The following SASH1 variants were observed in gnomAD, a reference collection of about 807,000 sequenced individuals.
SASH1 encodes the protein SAM and SH3 domain-containing protein 1.
A neutral mutation model predicts 125.2 loss-of-function variants in SASH1; 44 were observed. The observed-to-expected ratio is 0.35, with a 90% CI of 0.28 to 0.45. The LOEUF (loss-of-function observed/expected upper bound fraction) is 0.45. Among genes scored for constraint, SASH1 ranks in the 20% least tolerant of loss-of-function variants. The probability of loss-of-function intolerance (pLI) is 1.00; values close to 1 mark genes in which losing one functional copy is unlikely to be tolerated. For missense variants in SASH1, 1,426 were observed against 1,614.5 expected (o/e 0.88, Z 2.00); for synonymous variants, 639 against 649.1 (o/e 0.98, Z 0.24).
the SASH1 span, among the ~76,000 whole-genome samples, chr6:148,206,152 A>G: frequency 1.3e-5 from 2 of 152,080 alleles, no homozygotes; most frequent in African/African-American, 4.8e-5. Flanking sequence ...AAATGTATTA[A>G]TACATTTTCA....
At chr6:148,478,509 T>A (rs1242385367) in intron 7 of SASH1, among the ~76,000 whole-genome samples, 1 of 152,086 alleles carries the variant, frequency 6.6e-6, no homozygotes, top group Non-Finnish European at 1.5e-5. Context: ...GAGAGTAGAA[T>A]GATGGTTACC....
At chr6:148,308,595 C>T (rs1780209223) in intron 1 of SASH1, among the ~76,000 whole-genome samples, 1 of 151,222 alleles carries the variant, frequency 6.6e-6, no homozygotes, top group Non-Finnish European at 1.5e-5. Context: ...AGGGTTTCAC[C>T]ACGTTGGTGA....
At chr6:148,250,499 A>G in the SASH1 span, among the ~76,000 whole-genome samples, 3 of 151,958 alleles carry the variant, frequency 2.0e-5, no homozygotes, top group Non-Finnish European at 4.4e-5. Context: ...TGATGAGTGA[A>G]GAAGTATGTG....
At chr6:148,463,632 G>A (rs967741324) in intron 4 of SASH1, among the ~76,000 whole-genome samples, 3 of 152,126 alleles carry the variant, frequency 2.0e-5, no homozygotes, top group African/African-American at 7.2e-5. Context: ...TCTTCGTAGT[G>A]TTCAGTCAGA....
Position 148,546,069 on chromosome 6 carries a change from G to A in SASH1, c.3403G>A (p.Asp1135Asn), listed in dbSNP as rs372133099. 2 of 1,614,150 alleles carry A rather than the reference G, an allele frequency of 1.2e-6. No homozygotes were observed. The highest frequency in any genetic ancestry group is 1.3e-5 in the African/African-American group (1 of 74,950). ...ALVQRYAEDL[D>N]QPERDVAANM... is the part of the protein sequence containing the mutation. The stretch of plus-strand genomic sequence containing the variant: ...GGTGCAGAGATACGCAGAGGACTTG[G>A]ATCAGCCCGAGCGGGACGTCGCCGC... The change falls in exon 19 of 20, where the codon GAT becomes AAT. Residue 1135 changes from aspartate (D) to asparagine (N), a missense_variant. This residue lies in a region of SASH1 where 634 missense variants were observed against 694.4 expected (regional missense o/e 0.91). Transcript: ENST00000367467.
At chr6:148,326,343 T>TGC (rs1364612380) in intron 1 of SASH1, among the ~76,000 whole-genome samples, 1 of 88,546 alleles carries the variant, frequency 1.1e-5, no homozygotes, top group East Asian at 4.5e-4. Flanking sequence ...TATATATATA[T>TGC]ATATATATAT....
At chr6:148,396,485 A>G (rs2114851507) in intron 2 of SASH1, among the ~76,000 whole-genome samples, 1 of 150,352 alleles carries the variant, frequency 6.7e-6, no homozygotes, top group African/African-American at 2.5e-5. Context: ...TCAGAAAAAA[A>G]AAAAAAAAAA....
At chr6:148,512,737 T>TA (rs1780217199) in intron 8 of SASH1, 1 of 985,174 alleles carries the variant, frequency 1.0e-6, no homozygotes, top group Admixed American at 6.1e-5. Context: ...AACCAGTACT[T>TA]AGCTTTAATT....
At chr6:148,514,139 G>A (rs1179290670) in intron 8 of SASH1, 185 bp from the exon 9 acceptor site, 22 of 1,366,738 alleles carry the variant, frequency 1.6e-5, no homozygotes, top group Middle Eastern at 5.4e-4. Flanking sequence ...CTAATTCTAC[G>A]CCGATTTAGA....
At position 148,371,034 on chromosome 6, in the gene SASH1, C is replaced by T. The variant is rs891157906; in HGVS notation, c.157-19100C>T. Reference sequence around the variant, plus strand: ...CTTGTGCTTACTGTCATTCTCTTGGCGATCTCCTTGAATGTTGCTGTGAGA... The same window carrying T: ...CTTGTGCTTACTGTCATTCTCTTGGTGATCTCCTTGAATGTTGCTGTGAGA... On this transcript the variant is annotated intron_variant, in intron 1 of 19. Coordinates refer to ENST00000367467, the MANE Select transcript of SASH1 (RefSeq NM_015278.5). Among the ~76,000 whole-genome samples, 7 of 152,232 alleles carry T rather than the reference C, an allele frequency of 4.6e-5. No homozygotes were observed. In the East Asian group the frequency reaches 7.7e-4, roughly 17 times the overall value.
chr6:148,531,768 C>T, intron 13 of SASH1, 107 bp downstream of exon 13: 1 of 886,272 alleles, frequency 1.1e-6, no homozygotes, highest in Non-Finnish European at 1.5e-6. Flanking sequence ...AAGTCCTGCC[C>T]TTCAGGTGCT....
intron 1 of SASH1, among the ~76,000 whole-genome samples, chr6:148,369,227 C>A (rs1168196388): frequency 6.6e-6 from 1 of 152,172 alleles, no homozygotes; most frequent in South Asian, 2.1e-4. Flanking sequence ...AGTGGCACAG[C>A]CTGCTATGAG....
At chr6:148,290,999 GT>G (rs11339749) in intron 1 of SASH1, among the ~76,000 whole-genome samples, 74,564 of 144,008 alleles carry the variant, frequency 0.52, 19,033 homozygotes, top group East Asian at 0.66. Context: ...ACTTTATCTT[GT>G]TTTTTTTTTT....
chr6:148,400,645 G>A (rs907911622), intron 2 of SASH1, among the ~76,000 whole-genome samples: 5 of 152,174 alleles, frequency 3.3e-5, no homozygotes, highest in Non-Finnish European at 7.4e-5. Context: ...CAGCCACTGG[G>A]AAGCCTGAAG....
In SASH1 at chr6:148,460,335, A is replaced by G. The variant is rs540114507; in HGVS notation, c.387-8210A>G. On this transcript the variant is annotated intron_variant, in intron 4 of 19. Coordinates refer to ENST00000367467, the MANE Select transcript of SASH1 (RefSeq NM_015278.5). ...ATATACAAAGAGGGTGGGGTAGAAAAATTAAACATTCTACAACTCACAGTT... is the reference window on the plus strand; with the variant it reads ...ATATACAAAGAGGGTGGGGTAGAAAGATTAAACATTCTACAACTCACAGTT... Among the ~76,000 whole-genome samples the G allele has an allele frequency of 1.4e-4, 21 of 152,262 alleles. No individual in the cohort carries two copies. The South Asian group carries it at 3.5e-3, about 26-fold the overall frequency.
At chr6:148,283,474 A>G (rs550975065) in intron 1 of SASH1, 1 of 152,310 alleles carries the variant, frequency 6.6e-6, no homozygotes, top group Admixed American at 6.5e-5. Flanking sequence ...GGTCATAGAA[A>G]GAACAAGAGT....
At chr6:148,483,008 G>A (rs192411220) in intron 7 of SASH1, among the ~76,000 whole-genome samples, 1 of 152,192 alleles carries the variant, frequency 6.6e-6, no homozygotes, top group Non-Finnish European at 1.5e-5. Flanking sequence ...CTTAATTCAG[G>A]TGTCATACAT....
At chr6:148,376,869 A>C (rs974983273) in intron 1 of SASH1, among the ~76,000 whole-genome samples, 3 of 151,756 alleles carry the variant, frequency 2.0e-5, no homozygotes, top group African/African-American at 7.3e-5. Context: ...TCCTGTTTTT[A>C]AAAACAAAAG....
chr6:148,375,821 T>C (rs1031710590), intron 1 of SASH1, among the ~76,000 whole-genome samples: 29 of 152,190 alleles, frequency 1.9e-4, no homozygotes, highest in African/African-American at 6.8e-4. Flanking sequence ...GAGTGTGGTA[T>C]AGGATGAACG....
Sources: allele counts gnomAD v4.1 joint callset (sites outside exome capture counted in the v4.1 genomes callset), GRCh38; gene constraint gnomAD v4.1.1; regional missense constraint gnomAD v4.1.1; transcripts MANE v1.5; gene names NCBI Gene and HGNC (gene_info 2026-07-23, HGNC 2026-07-21).